The following DRICH1 variants were observed in gnomAD, a reference collection of about 807,000 sequenced individuals.
The protein encoded by DRICH1 is aspartate-rich protein 1.
In DRICH1, 38 loss-of-function variants were observed where a neutral mutation model predicts 39.5. The observed-to-expected ratio is 0.96, with a 90% CI of 0.74 to 1.26. The LOEUF is 1.26. Ranked by LOEUF, DRICH1 falls within the 50% of genes most tolerant of loss-of-function variation. The pLI is 0.00. For synonymous variants in DRICH1, 84 were observed against 99.5 expected (o/e 0.84, Z 0.93); for missense variants, 279 against 270.4 (o/e 1.03, Z -0.22).
At chr22:23,612,466 C>CA (rs1211963554) in intron 11 of DRICH1, among the ~76,000 whole-genome samples, 3,934 of 24,324 alleles carry the variant, frequency 0.16, 859 homozygotes, top group African/African-American at 0.22. Context: ...GACTCCATCT[C>CA]AAAAAAAAAA....
chr22:23,626,738 G>A (rs1435526481), intron 1 of DRICH1, among the ~76,000 whole-genome samples: 1 of 152,170 alleles, frequency 6.6e-6, no homozygotes, highest in Non-Finnish European at 1.5e-5. Context: ...TTTCCTAGGT[G>A]TTGTCAGACT....
chr22:23,626,024 A>T lies in DRICH1; in HGVS notation c.233T>A (p.Leu78Ter). Residue 78 changes from leucine to a stop codon, truncating the protein, a stop_gained, in exon 2 of 12, where the codon TTA (leucine) becomes TAA (stop). Coordinates refer to ENST00000317749, the MANE Select transcript of DRICH1 (RefSeq NM_016449.4). LOFTEE classifies it high-confidence loss of function. Reference sequence around the variant, plus strand: ...TTCCTCACTTGATGGCAGAAATTTTAAACTCAGGCGGTCCTCAGGGGGACC... The same window carrying T: ...TTCCTCACTTGATGGCAGAAATTTTTAACTCAGGCGGTCCTCAGGGGGACC... ...PTGPPEDRLS[L>*]KFLPSSEEDN... The T allele has an allele frequency of 6.2e-7, 1 of 1,613,458 alleles. No homozygotes were observed. Among genetic ancestry groups the T allele is most frequent in the Non-Finnish European group, 8.5e-7 (1 of 1,179,720 alleles).
At chr22:23,618,426 T>G (rs189737471) in intron 6 of DRICH1, among the ~76,000 whole-genome samples, 46 of 152,224 alleles carry the variant, frequency 3.0e-4, no homozygotes, top group Admixed American at 7.9e-4. Flanking sequence ...TCACAATTTT[T>G]TTTTTCATAG....
At chr22:23,590,968 A>G in the DRICH1 span, among the ~76,000 whole-genome samples, 5 of 152,194 alleles carry the variant, frequency 3.3e-5, no homozygotes, top group East Asian at 1.9e-4. Context: ...CTTTTGTTCC[A>G]TATCTGCTTG....
the DRICH1 span, among the ~76,000 whole-genome samples, chr22:23,601,670 ACTGTAGCT>A: frequency 6.6e-6 from 1 of 152,208 alleles, no homozygotes; most frequent in Non-Finnish European, 1.5e-5. Flanking sequence ...GTGATCCGTT[ACTGTAGCT>A]GCAAGGTGCT....
At chr22:23,628,132 C>T (rs1928178775) in intron 1 of DRICH1, among the ~76,000 whole-genome samples, 1 of 152,210 alleles carries the variant, frequency 6.6e-6, no homozygotes, top group Non-Finnish European at 1.5e-5. Context: ...AGAAGAGTTG[C>T]AAGGATGAGC....
At chr22:23,604,865 C>T (rs1926647710), downstream of DRICH1, among the ~76,000 whole-genome samples, 1 of 151,416 alleles carries the variant, frequency 6.6e-6, no homozygotes, top group Non-Finnish European at 1.5e-5. Context: ...CTGACACTAT[C>T]TTTATTACCT....
intron 4 of DRICH1, among the ~76,000 whole-genome samples, chr22:23,621,683 G>GTGGGTGGATTACCTGCGGTCAGGAGTTC (rs1927745758): frequency 6.6e-6 from 1 of 152,168 alleles, no homozygotes; most frequent in African/African-American, 2.4e-5. Flanking sequence ...GGAAGCCGAG[G>GTGGGTGGATTACCTGCGGTCAGGAGTTC]TGGGTGGATT....
the DRICH1 span, among the ~76,000 whole-genome samples, chr22:23,585,220 C>T: frequency 6.6e-6 from 1 of 152,154 alleles, no homozygotes; most frequent in Admixed American, 6.5e-5. Flanking sequence ...TGACTGCAGC[C>T]TCCAACTCTT....
At chr22:23,628,093 A>C (rs1928174825) in intron 1 of DRICH1, among the ~76,000 whole-genome samples, 1 of 152,206 alleles carries the variant, frequency 6.6e-6, no homozygotes, top group African/African-American at 2.4e-5. Context: ...CTATAAAATA[A>C]GTGGAAACTG....
chr22:23,608,350 C>T (rs1016554149), downstream of DRICH1: 4 of 199,750 alleles, frequency 2.0e-5, no homozygotes, highest in Non-Finnish European at 3.1e-5. Context: ...CTTATGAGGG[C>T]GAGGCCTTAT....
chr22:23,582,856 C>T, the DRICH1 span, among the ~76,000 whole-genome samples: 3 of 138,222 alleles, frequency 2.2e-5, no homozygotes, highest in South Asian at 2.3e-4. Flanking sequence ...CCATCGTGCC[C>T]GGCCAATTAT....
the DRICH1 span, among the ~76,000 whole-genome samples, chr22:23,600,082 G>A: frequency 2.0e-4 from 30 of 152,274 alleles, no homozygotes; most frequent in African/African-American, 3.1e-4. Context: ...ATGGAAAAAC[G>A]GATAAGTAAC....
intron 5 of DRICH1, among the ~76,000 whole-genome samples, chr22:23,619,770 T>C (rs1043632684): frequency 3.3e-5 from 5 of 152,240 alleles, no homozygotes; most frequent in Non-Finnish European, 5.9e-5. Flanking sequence ...ACTGGAGCTA[T>C]TGCAGTGAGC....
At chr22:23,592,118 T>C in the DRICH1 span, among the ~76,000 whole-genome samples, 3 of 152,226 alleles carry the variant, frequency 2.0e-5, no homozygotes, top group African/African-American at 7.2e-5. Flanking sequence ...GGCTGGAGCA[T>C]GGAGGGTCCA....
the DRICH1 span, among the ~76,000 whole-genome samples, chr22:23,595,156 C>T: frequency 7.0e-6 from 1 of 142,396 alleles, no homozygotes; most frequent in Admixed American, 7.0e-5. Flanking sequence ...TTCATAAGAA[C>T]TGGACCTCCT....
intron 4 of DRICH1, among the ~76,000 whole-genome samples, chr22:23,621,207 T>C (rs1927705376): frequency 6.6e-6 from 1 of 152,018 alleles, no homozygotes; most frequent in Non-Finnish European, 1.5e-5. Context: ...GCCTGCTTGT[T>C]GGGCCCCCTC....
In DRICH1 at chr22:23,632,038, C is replaced by A; in HGVS notation, c.-15G>T. 6.2e-7 allele frequency: 1 copy of A among 1,611,788 alleles called. No individual in the cohort carries two copies. The highest frequency in any genetic ancestry group is 1.3e-5 in the African/African-American group (1 of 74,956). On this transcript the variant is annotated 5_prime_UTR_variant, in exon 1 of 12. Transcript: ENST00000317749. The stretch of plus-strand genomic sequence containing the variant: ...ATATTCCCCATGGGGCCTCTCCATG[C>A]CTCTCCACTCCTGCCTCAGCCTTCA...
At chr22:23,607,651 T>G (rs929202170), downstream of DRICH1, among the ~76,000 whole-genome samples, 4 of 152,160 alleles carry the variant, frequency 2.6e-5, no homozygotes, top group African/African-American at 9.7e-5. Context: ...CTGGGTGGTC[T>G]GTGGAAATGC....
Sources: allele counts gnomAD v4.1 joint callset (sites outside exome capture counted in the v4.1 genomes callset), GRCh38; gene constraint gnomAD v4.1.1; transcripts MANE v1.5; gene names NCBI Gene and HGNC (gene_info 2026-07-23, HGNC 2026-07-21).